The following BLTP3A variants were observed in gnomAD, a reference collection of about 807,000 sequenced individuals.
The protein encoded by BLTP3A is ICBP90 binding protein 1.
the BLTP3A span, among the ~76,000 whole-genome samples, chr6:34,809,669 G>A: frequency 3.3e-5 from 5 of 152,010 alleles, no homozygotes; most frequent in African/African-American, 4.8e-5. Flanking sequence ...GGGTTCAAGC[G>A]ATTCTCCTGC....
the BLTP3A span, chr6:34,863,860 T>C: frequency 1.4e-6 from 1 of 734,948 alleles, no homozygotes; most frequent in Non-Finnish European, 2.1e-6. Context: ...CAGCCAGTAA[T>C]AGGTAATGTC....
the BLTP3A span, chr6:34,855,587 C>T: frequency 3.7e-6 from 6 of 1,610,776 alleles, no homozygotes; most frequent in Middle Eastern, 1.7e-4. Context: ...GTTCCTTCCA[C>T]TGCCATTCAC....
chr6:34,858,931 A>G, the BLTP3A span: 24 of 1,614,144 alleles, frequency 1.5e-5, no homozygotes, highest in Non-Finnish European at 1.9e-5. Flanking sequence ...TACAGAGTCA[A>G]TGACTGGGTC....
chr6:34,871,847 A>AGT, the BLTP3A span: 2 of 1,614,230 alleles, frequency 1.2e-6, no homozygotes, highest in Non-Finnish European at 1.7e-6. Context: ...CATCAGCTGA[A>AGT]GTACTTAAAA....
chr6:34,792,220 A>C, the BLTP3A span: 1 of 1,531,568 alleles, frequency 6.5e-7, no homozygotes, highest in Non-Finnish European at 8.8e-7. Context: ...CTGCCGGCCC[A>C]CCCGCCTTCC....
the BLTP3A span, among the ~76,000 whole-genome samples, chr6:34,865,237 T>C: frequency 6.6e-6 from 1 of 152,226 alleles, no homozygotes; most frequent in Middle Eastern, 3.2e-3. Context: ...TCCTGCTCTC[T>C]GCTTTTATGA....
the BLTP3A span, among the ~76,000 whole-genome samples, chr6:34,814,118 G>A: frequency 1.4e-4 from 22 of 152,290 alleles, no homozygotes; most frequent in Admixed American, 3.9e-4. Flanking sequence ...CTGGGTTCAA[G>A]CAATTCTTGT....
the BLTP3A span, among the ~76,000 whole-genome samples, chr6:34,838,820 C>T: frequency 1.3e-4 from 20 of 151,986 alleles, 1 homozygote; most frequent in East Asian, 2.9e-3. Flanking sequence ...GGCACACACC[C>T]GTAGTCCCAG....
At chr6:34,867,295 C>G in the BLTP3A span, 6 of 1,614,084 alleles carry the variant, frequency 3.7e-6, no homozygotes, top group African/African-American at 6.7e-5. Flanking sequence ...TTCAAGGGAG[C>G]CCTCTTGTGA....
At chr6:34,866,889 A>G in the BLTP3A span, among the ~76,000 whole-genome samples, 9 of 152,158 alleles carry the variant, frequency 5.9e-5, no homozygotes, top group Non-Finnish European at 1.0e-4. Context: ...AGATTCTTCT[A>G]TTTTGTAGCG....
the BLTP3A span, chr6:34,857,075 C>A: frequency 8.4e-7 from 1 of 1,191,816 alleles, no homozygotes; most frequent in Non-Finnish European, 1.1e-6. Flanking sequence ...TCTTTCTGAG[C>A]ATGGCTGGTG....
At chr6:34,841,840 CT>C in the BLTP3A span, among the ~76,000 whole-genome samples, 1 of 152,302 alleles carries the variant, frequency 6.6e-6, no homozygotes, top group Admixed American at 6.5e-5. Context: ...ACATTTCAGT[CT>C]TCTGAGAGAA....
the BLTP3A span, among the ~76,000 whole-genome samples, chr6:34,851,208 G>A: frequency 2.9e-4 from 44 of 152,120 alleles, no homozygotes; most frequent in Admixed American, 1.0e-3. Flanking sequence ...GTGGAGGTTC[G>A]TTGATGTCTG....
At chr6:34,808,008 C>T in the BLTP3A span, among the ~76,000 whole-genome samples, 2 of 151,894 alleles carry the variant, frequency 1.3e-5, no homozygotes, top group African/African-American at 4.8e-5. Context: ...CCACTGCATT[C>T]CAGCCTGGGC....
chr6:34,839,661 G>T, the BLTP3A span, among the ~76,000 whole-genome samples: 2 of 152,196 alleles, frequency 1.3e-5, no homozygotes, highest in African/African-American at 4.8e-5. Context: ...GCACTGCCAG[G>T]GGGTAGGCAG....
At chr6:34,832,398 G>A in the BLTP3A span, among the ~76,000 whole-genome samples, 1 of 152,022 alleles carries the variant, frequency 6.6e-6, no homozygotes, top group Non-Finnish European at 1.5e-5. Flanking sequence ...TAGGATTATA[G>A]GCGTGAGCCA....
At chr6:34,805,016 G>A in the BLTP3A span, among the ~76,000 whole-genome samples, 66,653 of 152,010 alleles carry the variant, frequency 0.44, 16,416 homozygotes, top group African/African-American at 0.67. Flanking sequence ...TGTATAGGCC[G>A]GGCACAGTGG....
chr6:34,864,522 C>CTTTTTTTTTTTTTTTTTT, the BLTP3A span, among the ~76,000 whole-genome samples: 4 of 109,454 alleles, frequency 3.7e-5, no homozygotes, highest in African/African-American at 1.0e-4. Context: ...TGCTTATAGT[C>CTTTTTTTTTTTTTTTTTT]TTTTTTTTTT....
the BLTP3A span, chr6:34,870,809 T>C: frequency 1.2e-6 from 2 of 1,601,898 alleles, no homozygotes; most frequent in Non-Finnish European, 1.7e-6. Flanking sequence ...CCTAGAAGAC[T>C]CCCTGGCCGT....
Sources: allele counts gnomAD v4.1 joint callset (sites outside exome capture counted in the v4.1 genomes callset), GRCh38; gene constraint gnomAD v4.1.1; transcripts MANE v1.5; gene names NCBI Gene and HGNC (gene_info 2026-07-23, HGNC 2026-07-21).